The following DMP1 variants were observed in gnomAD, a reference collection of about 807,000 sequenced individuals.
DMP1 encodes the protein dentin matrix protein 1.
Under a neutral mutation model 14.6 loss-of-function variants are expected in DMP1, and 20 were observed. That is an observed-to-expected ratio of 1.37 (90% CI 0.96 to 1.99). The LOEUF (loss-of-function observed/expected upper bound fraction) is 1.99, where lower values mean the gene tolerates loss of function less well. Ranked by LOEUF, DMP1 falls within the 30% of genes most tolerant of loss-of-function variation. DMP1 has a pLI of 0.00. For missense variants in DMP1, 567 were observed against 620.5 expected, an observed-to-expected ratio of 0.91 and a Z score of 0.92; for synonymous variants, 197 against 215.3, an observed-to-expected ratio of 0.91 and a Z score of 0.75.
At chr4:87,659,148 T>C in intron 3 of DMP1, 72 bp from the exon 4 acceptor site, 2 of 1,465,342 alleles carry the variant, frequency 1.4e-6, no homozygotes, top group Non-Finnish European at 1.9e-6. Flanking sequence ...CCTAAAATTA[T>C]TGTAAATAAT....
chr4:87,650,731 T>A (rs1728512608), intron 1 of DMP1, among the ~76,000 whole-genome samples: 1 of 152,160 alleles, frequency 6.6e-6, no homozygotes, highest in Non-Finnish European at 1.5e-5. Context: ...TTTTACAGTG[T>A]GTTTCATGAA....
At chr4:87,659,094 C>T in intron 3 of DMP1, 126 bp from the exon 4 acceptor site, 3 of 933,422 alleles carry the variant, frequency 3.2e-6, no homozygotes, top group Non-Finnish European at 3.4e-6. Flanking sequence ...TTCACTATTA[C>T]TCATGTAAAT....
chr4:87,657,291 A>G lies in DMP1; in HGVS notation c.102+212A>G, dbSNP rs11935907. On this transcript the variant is annotated intron_variant, in intron 3 of 5. Coordinates refer to ENST00000339673, the MANE Select transcript of DMP1 (RefSeq NM_004407.4). ...CATATTTTCTGTTAGCTTTCTTCTT[A>G]TAATGGATGTGTATAATAGTACCAG... The G allele has an allele frequency of 1.0e-3, 466 of 446,824 alleles. 2 individuals are homozygous for G. The highest frequency in any genetic ancestry group is 8.2e-3 in the African/African-American group (418 of 50,944). 27.7% of individuals were successfully genotyped at this position (446,824 alleles called of 1,614,324 possible).
At chr4:87,653,403 A>ATATATATATATATATATATATAT (rs1728579564) in intron 1 of DMP1, among the ~76,000 whole-genome samples, 1 of 94,448 alleles carries the variant, frequency 1.1e-5, no homozygotes, top group Non-Finnish European at 2.1e-5. Flanking sequence ...ATATATATAT[A>ATATATATATATATATATATATAT]TATATATATA....
rs576795241 is a variant in DMP1, at chr4:87,656,962, A to G, written c.55-70A>G. On this transcript the variant is annotated intron_variant, in intron 2 of 5. Coordinates refer to ENST00000339673, the MANE Select transcript of DMP1 (RefSeq NM_004407.4). The stretch of plus-strand genomic sequence containing the variant: ...AATTTGACTATCCCTACTCCTATGT[A>G]TGAAATGTGTTAATAACTATTGCTT... 5.5e-5 allele frequency: 53 copies of G among 970,344 alleles called. No individual in the cohort carries two copies. The African/African-American group carries it at 7.8e-4, about 14-fold the overall frequency. 60.1% of individuals were successfully genotyped at this position (970,344 alleles called of 1,614,324 possible). A position where few individuals can be genotyped will look rare whatever the true frequency, so the allele number is the denominator to read the frequency against.
chr4:87,661,497 C>T (rs1359548333), intron 5 of DMP1, among the ~76,000 whole-genome samples: 2 of 151,892 alleles, frequency 1.3e-5, no homozygotes, highest in Non-Finnish European at 1.5e-5. Flanking sequence ...GCTGGGATTA[C>T]AGGCGTGAGC....
intron 1 of DMP1, among the ~76,000 whole-genome samples, chr4:87,653,289 T>G (rs1728570095): frequency 6.6e-6 from 1 of 150,412 alleles, no homozygotes; most frequent in Non-Finnish European, 1.5e-5. Context: ...TATCTTAGGA[T>G]TTCTATTATT....
At chr4:87,661,256 T>C in intron 5 of DMP1, among the ~76,000 whole-genome samples, 1 of 134,640 alleles carries the variant, frequency 7.4e-6, no homozygotes, top group African/African-American at 2.7e-5. Context: ...GGAGTCTCGC[T>C]GTCGCCCAGG....
At chr4:87,656,613 C>T in intron 2 of DMP1, 67 bp downstream of exon 2, 1 of 1,056,638 alleles carries the variant, frequency 9.5e-7, no homozygotes, top group South Asian at 1.3e-5. Context: ...TTTTGATTGG[C>T]TATGAACCAA....
chr4:87,663,096 G>A lies in DMP1; in HGVS notation c.1318G>A (p.Ala440Thr), dbSNP rs1467355044. ...GGGCCTCCAGTCTCACAGCAGCTCA[G>A]CAGAGAGTCAGAGCGAGGAAAGCCA... ...QEGLQSHSSS[A>T]ESQSEESHSE... The change falls in exon 6 of 6, where the codon GCA becomes ACA. Residue 440 changes from alanine (A) to threonine (T), a missense_variant. By Grantham distance (58) the Ala-to-Thr change is moderately conservative. Coordinates refer to ENST00000339673, the MANE Select transcript of DMP1 (RefSeq NM_004407.4). The A allele has an allele frequency of 6.2e-7, 1 of 1,614,196 alleles. No individual in the cohort carries two copies.
chr4:87,660,491 A>G (rs1728829397), intron 5 of DMP1, among the ~76,000 whole-genome samples: 2 of 152,236 alleles, frequency 1.3e-5, no homozygotes, highest in African/African-American at 4.8e-5. Context: ...TCAACAGCAT[A>G]TACACAAGTA....
At position 87,662,306 on chromosome 4, in the gene DMP1, C is replaced by T; in HGVS notation, c.528C>T (p.Ser176=). 1 of 1,614,018 alleles carries T rather than the reference C, an allele frequency of 6.2e-7. No individual in the cohort carries two copies. The highest frequency in any genetic ancestry group is 8.5e-7 in the Non-Finnish European group (1 of 1,179,998). Residue 176 remains serine, a synonymous_variant, in exon 6 of 6, where the codon AGC becomes AGT. Coordinates refer to ENST00000339673, the MANE Select transcript of DMP1 (RefSeq NM_004407.4). The part of the protein sequence containing the change: ...RELDNEDRVD[S]KPEGGDSTQE... Reference sequence around the variant, plus strand: ...TTGACAATGAGGACCGGGTGGACAGCAAGCCTGAGGGAGGTGACTCCACTC... The same window carrying T: ...TTGACAATGAGGACCGGGTGGACAGTAAGCCTGAGGGAGGTGACTCCACTC...
intron 2 of DMP1, among the ~76,000 whole-genome samples, chr4:87,656,755 C>T (rs1467762949): frequency 6.6e-6 from 1 of 152,142 alleles, no homozygotes; most frequent in East Asian, 1.9e-4. Context: ...TACTTTTCTT[C>T]CCTATAAGCA....
chr4:87,655,190 T>G (rs1194490082), intron 1 of DMP1, among the ~76,000 whole-genome samples: 1 of 152,176 alleles, frequency 6.6e-6, no homozygotes, highest in Non-Finnish European at 1.5e-5. Context: ...GCAGGATTAT[T>G]TGTGAAATGT....
intron 5 of DMP1, among the ~76,000 whole-genome samples, 175 bp from the exon 6 acceptor site, chr4:87,661,787 T>A (rs1406329711): frequency 6.6e-6 from 1 of 152,122 alleles, no homozygotes. Flanking sequence ...TGAGTTTCAA[T>A]TCCTCTTCCT....
Position 87,662,819 on chromosome 4 carries a change from A to G in DMP1, c.1041A>G (p.Ser347=), listed in dbSNP as rs1728953274. The G allele has an allele frequency of 6.2e-7, 1 of 1,612,550 alleles. No homozygotes were observed. The change falls in exon 6 of 6, where the codon TCA becomes TCG. Residue 347 remains serine (S), a synonymous_variant. Transcript: ENST00000339673. ...AGTCCAGCCAAGAGGCCAACCTGTCATCTCAAGAGAACAGCAGTGAGTCTC... is the reference window on the plus strand; with the variant it reads ...AGTCCAGCCAAGAGGCCAACCTGTCGTCTCAAGAGAACAGCAGTGAGTCTC... ...SSESSQEANL[S]SQENSSESQE...
At chr4:87,658,641 T>G (rs1481672783) in intron 3 of DMP1, 2 of 154,992 alleles carry the variant, frequency 1.3e-5, no homozygotes, top group African/African-American at 2.4e-5. Context: ...AGGCATTAGC[T>G]GGTTTCATCT....
At chr4:87,654,153 A>G (rs1419216345) in intron 1 of DMP1, among the ~76,000 whole-genome samples, 2 of 152,112 alleles carry the variant, frequency 1.3e-5, no homozygotes, top group South Asian at 2.1e-4. Context: ...ATGACATACA[A>G]TTAAACTAGG....
chr4:87,662,720 G>C lies in DMP1; in HGVS notation c.942G>C (p.Lys314Asn). 6.2e-7 allele frequency: 1 copy of C among 1,614,124 alleles called. No homozygotes were observed. Among genetic ancestry groups the C allele is most frequent in the East Asian group, 2.2e-5 (1 of 44,866 alleles). The stretch of plus-strand genomic sequence containing the variant: ...TCAGCCAACCCAGGAGAGACAGCAA[G>C]GGTGACTCTCAAGAAGACAGCAAGG... Reference protein sequence around the residue: ...TGLSQPRRDSKGDSQEDSKEN... With the variant: ...TGLSQPRRDSNGDSQEDSKEN... Residue 314 changes from lysine to asparagine, a missense_variant, in exon 6 of 6, where the codon AAG (lysine) becomes AAC (asparagine). Transcript: ENST00000339673.
Sources: gnomAD v4.1 joint callset for allele counts (sites outside exome capture counted in the v4.1 genomes callset) on GRCh38, gnomAD v4.1.1 for gene constraint, MANE v1.5 for transcripts, NCBI Gene and HGNC (gene_info 2026-07-23, HGNC 2026-07-21) for gene names.